CGRRF1: variants seen among roughly 807,000 people sequenced by gnomAD.
CGRRF1 encodes the protein cell growth regulator with RING finger domain protein 1.
Under a neutral mutation model 37.2 loss-of-function variants are expected in CGRRF1, and 32 were observed. The observed-to-expected ratio is 0.86, with a 90% CI of 0.65 to 1.16. The LOEUF is 1.16. Ranked by LOEUF, CGRRF1 falls within the 50% of genes most tolerant of loss-of-function variation. The probability of loss-of-function intolerance (pLI) is 0.00; values close to 1 mark genes in which losing one functional copy is unlikely to be tolerated. For missense variants in CGRRF1, 391 were observed against 382.6 expected, an observed-to-expected ratio of 1.02 and a Z score of -0.18; for synonymous variants, 141 against 140.3, an observed-to-expected ratio of 1.00 and a Z score of -0.04.
At position 54,516,227 on chromosome 14, in the gene CGRRF1, G is replaced by A. The variant is rs140486706; in HGVS notation, c.104+6164G>A. Among the ~76,000 whole-genome samples, 552 of 152,120 alleles carry A rather than the reference G, an allele frequency of 3.6e-3. 3 individuals are homozygous for A. The highest frequency in any genetic ancestry group is 0.017 in the Middle Eastern group (5 of 292). On this transcript the variant is annotated intron_variant, in intron 1 of 5. Transcript: ENST00000216420. ...TAAGAAAAGCATTATAATTCCTCACGTAGTTACCATTTCACTGCTATTTAT... is the reference window on the plus strand; with the variant it reads ...TAAGAAAAGCATTATAATTCCTCACATAGTTACCATTTCACTGCTATTTAT...
chr14:54,534,891 A>C (rs961941919), intron 4 of CGRRF1, among the ~76,000 whole-genome samples: 4 of 152,080 alleles, frequency 2.6e-5, no homozygotes, highest in Admixed American at 1.3e-4. Flanking sequence ...AGTTAAAAAA[A>C]ATTTTTTTCT....
intron 1 of CGRRF1, among the ~76,000 whole-genome samples, chr14:54,513,611 GT>G (rs1455687081): frequency 1.5e-4 from 23 of 151,218 alleles, no homozygotes; most frequent in Admixed American, 5.4e-4. Flanking sequence ...GTTATGTTAT[GT>G]TATGTAATGT....
chr14:54,530,699 A>G, intron 3 of CGRRF1: 4 of 821,740 alleles, frequency 4.9e-6, no homozygotes, highest in Non-Finnish European at 5.8e-6. Context: ...TTGCTTCAGA[A>G]TAAGCACTCC....
chr14:54,514,258 G>A (rs2032180543), intron 1 of CGRRF1, among the ~76,000 whole-genome samples: 2 of 152,158 alleles, frequency 1.3e-5, no homozygotes, highest in South Asian at 4.1e-4. Context: ...GTGGAATCCT[G>A]AGGAATATAT....
intron 4 of CGRRF1, among the ~76,000 whole-genome samples, chr14:54,534,804 T>C (rs2032574326): frequency 6.6e-6 from 1 of 152,110 alleles, no homozygotes; most frequent in African/African-American, 2.4e-5. Context: ...AGCCTCAACT[T>C]CCTGAGCTCA....
chr14:54,535,596 C>T (rs530934196), intron 4 of CGRRF1, among the ~76,000 whole-genome samples: 25 of 152,190 alleles, frequency 1.6e-4, no homozygotes, highest in African/African-American at 5.1e-4. Flanking sequence ...TTTCTCCACT[C>T]TTCTGTTTTT....
Position 54,539,233 on chromosome 14 carries a change from ACTATTT to A in CGRRF1, c.*851_*856del, listed in dbSNP as rs1165963181. 6.6e-6 allele frequency: 1 copy of A among 152,062 alleles called. No homozygotes were observed. The highest frequency in any genetic ancestry group is 2.4e-5 in the African/African-American group (1 of 41,402). The allele number at this position is 152,062 out of a possible 1,614,324, so 9.4% of individuals were successfully genotyped here. On this transcript the variant is annotated 3_prime_UTR_variant, in exon 6 of 6. Coordinates refer to ENST00000216420, the MANE Select transcript of CGRRF1 (RefSeq NM_006568.3). ...GAAAAATCACTAAAAGAAACAAATA[ACTATTT>A]TTTTCTAGTGTATTTTTATTCCAAA...
intron 4 of CGRRF1, 191 bp from the exon 5 acceptor site, chr14:54,537,524 ACTGATTC>A (rs771831993): frequency 7.6e-5 from 33 of 432,796 alleles, no homozygotes; most frequent in Non-Finnish European, 1.1e-4. Context: ...TATGTCAGTA[ACTGATTC>A]CTCTGCAGTG....
At chr14:54,524,904 G>T (rs2032387408) in intron 2 of CGRRF1, among the ~76,000 whole-genome samples, 1 of 152,126 alleles carries the variant, frequency 6.6e-6, no homozygotes, top group African/African-American at 2.4e-5. Context: ...GGTTGTGCAT[G>T]CCTGATTAAA....
At chr14:54,515,981 GTTCT>G (rs2032208803) in intron 1 of CGRRF1, among the ~76,000 whole-genome samples, 2 of 151,830 alleles carry the variant, frequency 1.3e-5, no homozygotes, top group Admixed American at 1.3e-4. Flanking sequence ...TGTTTTGTCT[GTTCT>G]TTGTTTCTTT....
intron 1 of CGRRF1, among the ~76,000 whole-genome samples, chr14:54,513,816 A>G (rs2140053556): frequency 6.6e-6 from 1 of 152,230 alleles, no homozygotes; most frequent in South Asian, 2.1e-4. Context: ...AAATAGAAAA[A>G]TTAGCCAGGC....
chr14:54,530,641 A>C (rs2032497268), intron 3 of CGRRF1: 10 of 838,498 alleles, frequency 1.2e-5, no homozygotes, highest in Non-Finnish European at 1.8e-5. Flanking sequence ...TTACGGATAA[A>C]GTGTTGCTAA....
Position 54,538,439 on chromosome 14 carries a change from C to CT in CGRRF1, c.*58dup. The CT allele has an allele frequency of 7.8e-7, 1 of 1,280,020 alleles. No individual in the cohort carries two copies. Among genetic ancestry groups the CT allele is most frequent in the Non-Finnish European group, 1.1e-6 (1 of 912,680 alleles). 79.3% of individuals were successfully genotyped at this position (1,280,020 alleles called of 1,614,324 possible). On this transcript the variant is annotated 3_prime_UTR_variant, in exon 6 of 6. Transcript: ENST00000216420. The stretch of plus-strand genomic sequence containing the variant: ...TACTAAAGATGCAGAAATTGATGAT[C>CT]TTGGAATTCATCATAACATGGAATC...
chr14:54,521,198 C>T (rs563440699), intron 1 of CGRRF1, among the ~76,000 whole-genome samples: 2 of 152,108 alleles, frequency 1.3e-5, no homozygotes, highest in African/African-American at 2.4e-5. Flanking sequence ...TGGTGGCTCA[C>T]GCCTGTAATC....
At chr14:54,513,777 G>A (rs2032170839) in intron 1 of CGRRF1, among the ~76,000 whole-genome samples, 1 of 152,100 alleles carries the variant, frequency 6.6e-6, no homozygotes, top group South Asian at 2.1e-4. Flanking sequence ...ACCAACATGG[G>A]AAATATGGCA....
At chr14:54,529,615 G>A (rs1173867451) in intron 2 of CGRRF1, among the ~76,000 whole-genome samples, 1 of 152,134 alleles carries the variant, frequency 6.6e-6, no homozygotes, top group African/African-American at 2.4e-5. Flanking sequence ...CGATCATGTT[G>A]TGGAGCCTAT....
intron 1 of CGRRF1, among the ~76,000 whole-genome samples, chr14:54,513,796 T>C (rs564998197): frequency 6.3e-4 from 96 of 152,156 alleles, no homozygotes; most frequent in African/African-American, 2.2e-3. Context: ...CAAAACTCGG[T>C]CTCTACAAAA....
intron 4 of CGRRF1, chr14:54,536,580 T>C (rs570131611): frequency 6.6e-6 from 1 of 152,204 alleles, no homozygotes; most frequent in East Asian, 1.9e-4. Flanking sequence ...GTTACTTTGA[T>C]GAGTGAATAA....
intron 1 of CGRRF1, among the ~76,000 whole-genome samples, chr14:54,520,207 C>G (rs532324295): frequency 6.6e-6 from 1 of 152,240 alleles, no homozygotes; most frequent in East Asian, 1.9e-4. Context: ...CTCCCAGGTT[C>G]ACGCCATTCT....
Sources: gnomAD v4.1 joint callset for allele counts (sites outside exome capture counted in the v4.1 genomes callset) on GRCh38, gnomAD v4.1.1 for gene constraint, MANE v1.5 for transcripts, NCBI Gene and HGNC (gene_info 2026-07-23, HGNC 2026-07-21) for gene names.